The following POM121 variants were observed in gnomAD, a reference collection of about 807,000 sequenced individuals.
POM121 encodes nuclear envelope pore membrane protein POM 121.
In POM121, 32 loss-of-function variants were observed where a neutral mutation model predicts 81.3. The observed-to-expected ratio is 0.39, with a 90% CI of 0.30 to 0.53. The LOEUF (loss-of-function observed/expected upper bound fraction) is 0.53. POM121 is among the 20% of genes least tolerant of loss of function. The pLI, the probability that POM121 is intolerant of heterozygous loss-of-function variation, is 0.66. For synonymous variants in POM121, 514 were observed against 694.2 expected (o/e 0.74, Z 4.08); for missense variants, 1,138 against 1,614.6 (o/e 0.70, Z 5.06).
chr7:72,939,485 A>G (rs1403946369), intron 7 of POM121, 76 bp downstream of exon 7: 6 of 1,569,316 alleles, frequency 3.8e-6, no homozygotes, highest in Non-Finnish European at 5.2e-6. Context: ...ATTAATACCT[A>G]TTGAAAAAAG....
At chr7:72,938,249 C>G (rs1289530557) in intron 5 of POM121, among the ~76,000 whole-genome samples, 2 of 147,820 alleles carry the variant, frequency 1.4e-5, no homozygotes, top group African/African-American at 5.0e-5. Context: ...TTTTTTGAGA[C>G]AGGGTCTCAC....
intron 4 of POM121, among the ~76,000 whole-genome samples, chr7:72,919,562 G>A (rs1794612199): frequency 6.6e-6 from 1 of 151,938 alleles, no homozygotes; most frequent in African/African-American, 2.4e-5. Flanking sequence ...GCTCACTGGA[G>A]CCTTGACCTT....
At chr7:72,930,558 GTC>G (rs1563159622) in intron 5 of POM121, among the ~76,000 whole-genome samples, 1 of 152,192 alleles carries the variant, frequency 6.6e-6, no homozygotes, top group Non-Finnish European at 1.5e-5. Flanking sequence ...CTTGTATTGG[GTC>G]GTAAAAGAGA....
upstream of POM121, among the ~76,000 whole-genome samples, chr7:72,922,697 C>G (rs1439053222): frequency 1.3e-5 from 2 of 151,994 alleles, no homozygotes; most frequent in African/African-American, 4.8e-5. Context: ...CCCAGAAGTG[C>G]TAACTTTTAA....
intron 1 of POM121, among the ~76,000 whole-genome samples, chr7:72,885,099 A>G (rs2129574487): frequency 6.6e-6 from 1 of 152,334 alleles, no homozygotes; most frequent in Middle Eastern, 3.4e-3. Context: ...TAACATTTGA[A>G]GAATACAGGC....
intron 3 of POM121, among the ~76,000 whole-genome samples, chr7:72,893,826 A>T (rs1791566398): frequency 6.6e-6 from 1 of 152,022 alleles, no homozygotes. Context: ...GGGTCCCAGG[A>T]TCCCACTCCT....
chr7:72,886,235 G>A (rs1790701919), intron 1 of POM121, among the ~76,000 whole-genome samples: 2 of 152,060 alleles, frequency 1.3e-5, no homozygotes, highest in South Asian at 4.1e-4. Flanking sequence ...GTGCAGGGGT[G>A]CTATCTTGGC....
intron 1 of POM121, among the ~76,000 whole-genome samples, chr7:72,889,510 CTTT>C (rs1344309439): frequency 4.2e-5 from 6 of 143,564 alleles, no homozygotes; most frequent in Admixed American, 7.0e-5. Flanking sequence ...TTGCATTTTT[CTTT>C]TTTTTTTTTT....
At chr7:72,919,396 T>C (rs1554495590) in intron 4 of POM121, among the ~76,000 whole-genome samples, 2 of 152,122 alleles carry the variant, frequency 1.3e-5, no homozygotes, top group African/African-American at 4.8e-5. Context: ...TTCCTTTGTG[T>C]AGATCCAGAT....
At chr7:72,892,012 T>A (rs1174169316) in intron 3 of POM121, among the ~76,000 whole-genome samples, 1 of 152,240 alleles carries the variant, frequency 6.6e-6, no homozygotes, top group East Asian at 1.9e-4. Flanking sequence ...TGCTCATTTA[T>A]GACCTGTCTG....
At chr7:72,894,394 A>C (rs1364101908) in intron 3 of POM121, among the ~76,000 whole-genome samples, 4 of 151,804 alleles carry the variant, frequency 2.6e-5, no homozygotes, top group African/African-American at 7.3e-5. Flanking sequence ...CCTGGTCAAC[A>C]TGGTGAAACC....
chr7:72,948,555 G>A (rs537284933), downstream of POM121: 2 of 1,613,522 alleles, frequency 1.2e-6, no homozygotes, highest in African/African-American at 1.3e-5. Flanking sequence ...GGGCTGGGCT[G>A]GGTGTGCGTT....
chr7:72,938,810 T>A, intron 6 of POM121, 129 bp downstream of exon 6: 1 of 1,132,406 alleles, frequency 8.8e-7, no homozygotes, highest in Non-Finnish European at 1.3e-6. Flanking sequence ...CTTAAGTCCC[T>A]GAGAGGTACA....
intron 3 of POM121, among the ~76,000 whole-genome samples, chr7:72,895,172 C>T (rs1791816907): frequency 6.6e-6 from 1 of 152,146 alleles, no homozygotes; most frequent in South Asian, 2.1e-4. Context: ...TCTTCCACAC[C>T]ATCTCAATGA....
Position 72,926,254 on chromosome 7 carries a change from C to G in POM121, c.645-8C>G. ...TTGGTTCCGTGATTTGTCTCGCATT[C>G]TCTGCAGGGATTGTGGGACTTTACC... On this transcript the variant is annotated splice_polypyrimidine_tract_variant and splice_region_variant and intron_variant, in intron 1 of 12. Coordinates refer to ENST00000434423, the MANE Select transcript of POM121 (RefSeq NM_001387691.1). 6.4e-7 allele frequency: 1 copy of G among 1,552,604 alleles called. No individual in the cohort carries two copies. Among genetic ancestry groups the G allele is most frequent in the African/African-American group, 1.4e-5 (1 of 73,170 alleles).
chr7:72,897,469 G>A (rs1792081442), intron 3 of POM121, among the ~76,000 whole-genome samples: 1 of 152,212 alleles, frequency 6.6e-6, no homozygotes, highest in South Asian at 2.1e-4. Context: ...GTCATGTCAC[G>A]CCCTGGTGAG....
In POM121 at chr7:72,925,350, C is replaced by T. The variant is rs1376188111; in HGVS notation, c.229C>T (p.Arg77Cys). ...ACTGAGCCGCGAGCCCCGAGGTTCG[C>T]GCCCCTTGTCCTCCTTCGTTCGGAA... is the stretch of plus-strand genomic sequence containing the variant. ...WGLSREPRGSRPLSSFVRKAR... is the reference protein window; with the variant it reads ...WGLSREPRGSCPLSSFVRKAR... The change falls in exon 1 of 13, where the codon CGC (arginine) becomes TGC (cysteine). Residue 77 changes from arginine to cysteine, a missense_variant. This residue lies in a region of POM121 where 646 missense variants were observed against 633.5 expected (regional missense o/e 1.02). Transcript: ENST00000434423. 1 of 1,523,120 alleles carries T rather than the reference C, an allele frequency of 6.6e-7. No homozygotes were observed. Among genetic ancestry groups the T allele is most frequent in the Non-Finnish European group, 8.8e-7 (1 of 1,137,076 alleles). The allele number at this position is 1,523,120 out of a possible 1,614,324, so 94.4% of individuals were successfully genotyped here. A position where few individuals can be genotyped will look rare whatever the true frequency, so the allele number is the denominator to read the frequency against.
intron 3 of POM121, among the ~76,000 whole-genome samples, chr7:72,901,389 C>T (rs1340474599): frequency 4.7e-5 from 7 of 150,444 alleles, no homozygotes; most frequent in African/African-American, 1.7e-4. Flanking sequence ...GAGTCTTGCT[C>T]TGTGGCCCAG....
At chr7:72,921,874 A>C (rs1219745622), upstream of POM121, among the ~76,000 whole-genome samples, 2 of 152,206 alleles carry the variant, frequency 1.3e-5, no homozygotes, top group African/African-American at 4.8e-5. Flanking sequence ...AGTGTGTTCG[A>C]ATTGTCTGTG....
Sources: gnomAD v4.1 joint callset for allele counts (sites outside exome capture counted in the v4.1 genomes callset) on GRCh38, gnomAD v4.1.1 for gene constraint, gnomAD v4.1.1 regional missense constraint, MANE v1.5 for transcripts, NCBI Gene and HGNC (gene_info 2026-07-23, HGNC 2026-07-21) for gene names.